The following CYP39A1 variants were observed in gnomAD, a reference collection of about 807,000 sequenced individuals.
CYP39A1 encodes cytochrome P450 family 39 subfamily A member 1.
Under a neutral mutation model 58.1 loss-of-function variants are expected in CYP39A1, and 49 were observed. The observed-to-expected ratio is 0.84, with a 90% CI of 0.67 to 1.07. The LOEUF (loss-of-function observed/expected upper bound fraction) is 1.07. Ranked by LOEUF, CYP39A1 falls within the 50% of genes least tolerant of loss-of-function variation. The pLI, the probability that CYP39A1 is intolerant of heterozygous loss-of-function variation, is 0.00. For missense variants in CYP39A1, 531 were observed against 539.4 expected, an observed-to-expected ratio of 0.98 and a Z score of 0.16; for synonymous variants, 209 against 187.6, an observed-to-expected ratio of 1.11 and a Z score of -0.93.
intron 1 of CYP39A1, among the ~76,000 whole-genome samples, chr6:46,648,748 G>A (rs931201189): frequency 6.6e-6 from 1 of 151,790 alleles, no homozygotes; most frequent in Non-Finnish European, 1.5e-5. Context: ...AGAGAGGGTA[G>A]GTCAAAAAGA....
At chr6:46,627,408 A>C (rs1582432541) in intron 6 of CYP39A1, among the ~76,000 whole-genome samples, 2 of 117,956 alleles carry the variant, frequency 1.7e-5, no homozygotes, top group Admixed American at 2.1e-4. Flanking sequence ...AATGGCTGTT[A>C]CTTTTATTTA....
chr6:46,603,232 C>A (rs1367286908), intron 7 of CYP39A1, among the ~76,000 whole-genome samples: 3 of 152,112 alleles, frequency 2.0e-5, no homozygotes, highest in Non-Finnish European at 2.9e-5. Context: ...ATCTCAGGAC[C>A]ACAAATTCAC....
chr6:46,642,709 C>T (rs1776420085), intron 1 of CYP39A1, among the ~76,000 whole-genome samples: 1 of 152,146 alleles, frequency 6.6e-6, no homozygotes. Flanking sequence ...TATGGGAAAT[C>T]CATGGTTATT....
intron 6 of CYP39A1, among the ~76,000 whole-genome samples, chr6:46,627,506 C>G (rs1298667216): frequency 1.3e-5 from 2 of 151,828 alleles, no homozygotes; most frequent in South Asian, 2.1e-4. Context: ...GCAAGCTCCG[C>G]CTCCTGGGTT....
At chr6:46,608,357 T>C (rs1409415892) in intron 7 of CYP39A1, among the ~76,000 whole-genome samples, 1 of 152,140 alleles carries the variant, frequency 6.6e-6, no homozygotes, top group Non-Finnish European at 1.5e-5. Context: ...ACAAAGTCAG[T>C]TTTTAGAGAA....
rs567314746 is a variant in CYP39A1, at chr6:46,650,484, CTTTTTTTTTTTTTTTTTTT to C, written c.177+1903_177+1921del. 2.3e-3 allele frequency among the ~76,000 whole-genome samples: 80 copies of C among 35,184 alleles called. 1 individual carries two copies. Among genetic ancestry groups the C allele is most frequent in the Admixed American group, 5.7e-4 (1 of 1,750 alleles). 23.1% of individuals were successfully genotyped at this position (35,184 alleles called of 152,430 possible). ...AAACATCAAATAATGCAGTCATATT[CTTTTTTTTTTTTTTTTTTT>C]TTTTTTTTTTTTTTTTAAGAGACAA... On this transcript the variant is annotated intron_variant, in intron 1 of 11. Transcript: ENST00000275016.
At position 46,550,321 on chromosome 6, in the gene CYP39A1, G is replaced by GC. The variant is rs1435020715; in HGVS notation, c.*44dup. The GC allele has an allele frequency of 6.5e-7, 1 of 1,550,212 alleles. No individual in the cohort carries two copies. The highest frequency in any genetic ancestry group is 8.9e-7 in the Non-Finnish European group (1 of 1,128,722). On this transcript the variant is annotated 3_prime_UTR_variant, in exon 12 of 12. Transcript: ENST00000275016. ...TCTAGGTGCTGCCAGGTGGGGTAGTGCCACTCCTCCAGAAGGCCCTGGTCC... is the reference window on the plus strand; with the variant it reads ...TCTAGGTGCTGCCAGGTGGGGTAGTGCCCACTCCTCCAGAAGGCCCTGGTCC...
chr6:46,593,274 A>G (rs565531452), intron 8 of CYP39A1, among the ~76,000 whole-genome samples: 1 of 152,242 alleles, frequency 6.6e-6, no homozygotes, highest in South Asian at 2.1e-4. Flanking sequence ...GAGCATGGGT[A>G]TCTCTTCTGG....
In CYP39A1 at chr6:46,583,985, G is replaced by A. The variant is rs1003910371; in HGVS notation, c.1250+3092C>T. 4.9e-4 allele frequency among the ~76,000 whole-genome samples: 75 copies of A among 152,084 alleles called. 1 individual carries two copies. Among genetic ancestry groups the A allele is most frequent in the Non-Finnish European group, 1.3e-4 (9 of 68,024 alleles). ...TTGGTGCATGAGAAAATAAATTGGC[G>A]CCTGGAACACAAATCAAGAACGAGT... is the stretch of plus-strand genomic sequence containing the variant. On this transcript the variant is annotated intron_variant, in intron 10 of 11. Coordinates refer to ENST00000275016, the MANE Select transcript of CYP39A1 (RefSeq NM_016593.5).
intron 10 of CYP39A1, chr6:46,583,172 T>C (rs1772245333): frequency 1.5e-5 from 15 of 985,382 alleles, no homozygotes; most frequent in African/African-American, 1.7e-5. Context: ...TATTGCAGCC[T>C]TCCTCTTATT....
chr6:46,552,930 C>T (rs953290638), intron 11 of CYP39A1, among the ~76,000 whole-genome samples: 2 of 151,960 alleles, frequency 1.3e-5, no homozygotes, highest in Non-Finnish European at 2.9e-5. Context: ...CGCCTGCAGG[C>T]CCAGTTACCA....
intron 10 of CYP39A1, 68 bp downstream of exon 10, chr6:46,587,009 T>C (rs1772506096): frequency 1.9e-6 from 2 of 1,056,948 alleles, no homozygotes; most frequent in Admixed American, 2.1e-5. Context: ...AAGCCAAAGT[T>C]GTTCCCCTCT....
intron 7 of CYP39A1, among the ~76,000 whole-genome samples, chr6:46,596,594 C>CA (rs886338018): frequency 1.3e-5 from 2 of 150,972 alleles, no homozygotes; most frequent in Admixed American, 1.3e-4. Context: ...TCATTCATTT[C>CA]AAAAAAACAA....
chr6:46,559,717 G>A (rs1770867165), intron 10 of CYP39A1, among the ~76,000 whole-genome samples: 1 of 152,132 alleles, frequency 6.6e-6, no homozygotes, highest in South Asian at 2.1e-4. Context: ...AACACCAAGG[G>A]TCAAATTTAA....
chr6:46,618,951 C>T (rs1774786570), intron 7 of CYP39A1, among the ~76,000 whole-genome samples: 1 of 152,038 alleles, frequency 6.6e-6, no homozygotes, highest in Admixed American at 6.6e-5. Flanking sequence ...AGCAATATTC[C>T]TCTGCCTTAA....
At chr6:46,575,386 C>T (rs1025648821) in intron 10 of CYP39A1, among the ~76,000 whole-genome samples, 12 of 152,188 alleles carry the variant, frequency 7.9e-5, no homozygotes, top group East Asian at 1.9e-4. Context: ...TTTGAGCACA[C>T]CCCAGTCTGC....
chr6:46,627,053 G>T (rs1214106596), intron 6 of CYP39A1, among the ~76,000 whole-genome samples: 1 of 152,126 alleles, frequency 6.6e-6, no homozygotes, highest in Non-Finnish European at 1.5e-5. Context: ...CAAATGGGAA[G>T]CAAGGCACAT....
At chr6:46,645,127 A>G (rs1762238725) in intron 1 of CYP39A1, among the ~76,000 whole-genome samples, 1 of 152,168 alleles carries the variant, frequency 6.6e-6, no homozygotes, top group Admixed American at 6.5e-5. Flanking sequence ...TACAGAGCAA[A>G]TGCTTTTAAT....
At chr6:46,596,929 AAC>A (rs1376458246) in intron 7 of CYP39A1, among the ~76,000 whole-genome samples, 1 of 152,138 alleles carries the variant, frequency 6.6e-6, no homozygotes, top group Non-Finnish European at 1.5e-5. Context: ...AAAAGTCAAC[AAC>A]AATATTGTCA....
Sources: gnomAD v4.1 joint callset for allele counts (sites outside exome capture counted in the v4.1 genomes callset) on GRCh38, gnomAD v4.1.1 for gene constraint, MANE v1.5 for transcripts, NCBI Gene and HGNC (gene_info 2026-07-23, HGNC 2026-07-21) for gene names.